Variants in CNTN4 observed in about 807,000 individuals in gnomAD.
CNTN4 encodes contactin 4.
Under a neutral mutation model 122.5 loss-of-function variants are expected in CNTN4, and 77 were observed. The ratio of observed to expected loss-of-function variants is 0.63; its 90% CI spans 0.52 to 0.76. The LOEUF (loss-of-function observed/expected upper bound fraction) is 0.76, where lower values mean the gene tolerates loss of function less well. Among genes scored for constraint, CNTN4 ranks in the 30% least tolerant of loss-of-function variants. The pLI, the probability that CNTN4 is intolerant of heterozygous loss-of-function variation, is 0.00. For synonymous variants in CNTN4, 512 were observed against 447.0 expected (o/e 1.15, Z -1.83); for missense variants, 1,256 against 1,259.1 (o/e 1.00, Z 0.04).
At chr3:2,132,448 T>G (rs1481191799) in intron 2 of CNTN4, 1 of 152,180 alleles carries the variant, frequency 6.6e-6, no homozygotes, top group Non-Finnish European at 1.5e-5. Context: ...AGAAACAGGT[T>G]TGCTGTGAAG....
chr3:2,182,924 A>G (rs193209805), intron 2 of CNTN4, among the ~76,000 whole-genome samples: 1 of 152,028 alleles, frequency 6.6e-6, no homozygotes, highest in East Asian at 1.9e-4. Context: ...TATATTGAAC[A>G]TGCTTTTGGT....
chr3:2,222,361 A>G (rs1400671269), intron 2 of CNTN4, among the ~76,000 whole-genome samples: 1 of 152,134 alleles, frequency 6.6e-6, no homozygotes, highest in Admixed American at 6.5e-5. Flanking sequence ...AGAGACAGAA[A>G]CTAGATAAGT....
chr3:2,470,373 C>G (rs2075643825), intron 3 of CNTN4, among the ~76,000 whole-genome samples: 1 of 152,146 alleles, frequency 6.6e-6, no homozygotes, highest in Non-Finnish European at 1.5e-5. Context: ...CCGCGCCTGG[C>G]CATGTTGCTT....
chr3:2,460,530 A>G (rs1168853716), intron 3 of CNTN4, among the ~76,000 whole-genome samples: 1 of 152,076 alleles, frequency 6.6e-6, no homozygotes, highest in Non-Finnish European at 1.5e-5. Context: ...TGGGCCTTTG[A>G]TTAATATTTC....
At chr3:2,426,716 G>C (rs2047850706) in intron 3 of CNTN4, among the ~76,000 whole-genome samples, 1 of 152,030 alleles carries the variant, frequency 6.6e-6, no homozygotes, top group Admixed American at 6.5e-5. Flanking sequence ...TTTTTTGGTT[G>C]GTAGGCTCTT....
intron 10 of CNTN4, among the ~76,000 whole-genome samples, chr3:2,900,013 C>T (rs1189989133): frequency 2.0e-5 from 3 of 152,144 alleles, no homozygotes; most frequent in Admixed American, 6.5e-5. Context: ...AAGTTTATTT[C>T]TCTCTCACAT....
At chr3:2,525,891 T>C (rs988324556) in intron 3 of CNTN4, among the ~76,000 whole-genome samples, 1 of 152,132 alleles carries the variant, frequency 6.6e-6, no homozygotes, top group South Asian at 2.1e-4. Flanking sequence ...CACAAACACA[T>C]GCTTACATTG....
intron 4 of CNTN4, among the ~76,000 whole-genome samples, chr3:2,629,375 C>T (rs550588427): frequency 9.9e-5 from 15 of 152,278 alleles, no homozygotes; most frequent in Admixed American, 3.3e-4. Flanking sequence ...AATTGTGTCA[C>T]GGCAGCCTGA....
intron 23 of CNTN4, among the ~76,000 whole-genome samples, chr3:3,050,461 C>T (rs1036868779): frequency 7.2e-5 from 11 of 151,842 alleles, no homozygotes; most frequent in African/African-American, 1.9e-4. Context: ...AGGTAGTCTT[C>T]GTTAAAAATC....
rs549323861 is a variant in CNTN4, at chr3:2,886,888, TATGATTAAAGTTATAATGGAG to T, written c.756-149_756-129del. The T allele has an allele frequency of 1.1e-4, 73 of 643,146 alleles. No homozygotes were observed. The Middle Eastern group carries it at 1.6e-3, about 14-fold the overall frequency. The allele number at this position is 643,146 out of a possible 1,614,324, so 39.8% of individuals were successfully genotyped here. ...AAATAAGTAATGCTAGAGATGTGGA[TATGATTAAAGTTATAATGGAG>T]ATAGAGGAATGAATGAAGTTTGCAA... On this transcript the variant is annotated intron_variant, in intron 9 of 24. Coordinates refer to ENST00000418658, the MANE Select transcript of CNTN4 (RefSeq NM_175607.3).
chr3:2,629,555 G>C, intron 4 of CNTN4: 1 of 453,026 alleles, frequency 2.2e-6, no homozygotes, highest in Non-Finnish European at 4.4e-6. Flanking sequence ...GTCCTTGCTG[G>C]GGGTGCTGCC....
intron 3 of CNTN4, among the ~76,000 whole-genome samples, chr3:2,358,443 A>G (rs1231339313): frequency 6.6e-6 from 1 of 151,960 alleles, no homozygotes; most frequent in Non-Finnish European, 1.5e-5. Context: ...AGCGATAGCA[A>G]AATGATAATT....
At chr3:2,729,928 A>C (rs886181453) in intron 4 of CNTN4, among the ~76,000 whole-genome samples, 1 of 152,136 alleles carries the variant, frequency 6.6e-6, no homozygotes, top group East Asian at 1.9e-4. Flanking sequence ...AATAAAATAA[A>C]ATAAACTTTA....
intron 13 of CNTN4, among the ~76,000 whole-genome samples, chr3:2,933,167 TAC>T (rs372263603): frequency 6.6e-6 from 1 of 152,242 alleles, no homozygotes; most frequent in African/African-American, 2.4e-5. Context: ...TCAGGAAATG[TAC>T]ATTTTACGTG....
rs534330795 is a variant in CNTN4 at position 2,430,034 on chromosome 3, C to T, written c.-89+90801C>T. Among the ~76,000 whole-genome samples the T allele has an allele frequency of 2.3e-4, 35 of 152,236 alleles. No homozygotes were observed. The Middle Eastern group carries it at 0.014, about 59-fold the overall frequency. The stretch of plus-strand genomic sequence containing the variant: ...GCGCTTCCCGGGTGAGGTGATGCCT[C>T]GCTCTGCTTCAGCTCATGGTCCATG... On this transcript the variant is annotated intron_variant, in intron 3 of 24. Coordinates refer to ENST00000418658, the MANE Select transcript of CNTN4 (RefSeq NM_175607.3).
intron 2 of CNTN4, among the ~76,000 whole-genome samples, chr3:2,167,777 A>G (rs2036267452): frequency 6.6e-6 from 1 of 152,212 alleles, no homozygotes; most frequent in Non-Finnish European, 1.5e-5. Flanking sequence ...GCCCATTTTA[A>G]TATGTCCACT....
At chr3:2,499,584 A>C (rs139245454) in intron 3 of CNTN4, among the ~76,000 whole-genome samples, 281 of 152,218 alleles carry the variant, frequency 1.8e-3, no homozygotes, top group African/African-American at 6.4e-3. Flanking sequence ...ACTTGTATTC[A>C]TTGATCTATG....
chr3:2,489,502 G>T (rs1042009591), intron 3 of CNTN4, among the ~76,000 whole-genome samples: 19 of 152,256 alleles, frequency 1.2e-4, no homozygotes, highest in African/African-American at 4.6e-4. Context: ...CCAAAATGAA[G>T]AGAAACACAG....
At chr3:2,806,631 G>A (rs1289291462) in intron 6 of CNTN4, among the ~76,000 whole-genome samples, 1 of 152,132 alleles carries the variant, frequency 6.6e-6, no homozygotes, top group Non-Finnish European at 1.5e-5. Flanking sequence ...GTTTTGTTTT[G>A]CTGGGGAGCT....
Sources: allele counts gnomAD v4.1 joint callset (sites outside exome capture counted in the v4.1 genomes callset), GRCh38; gene constraint gnomAD v4.1.1; transcripts MANE v1.5; gene names NCBI Gene and HGNC (gene_info 2026-07-23, HGNC 2026-07-21).